Variants in LRRC7 observed in about 807,000 individuals in gnomAD.
The protein encoded by LRRC7 is leucine-rich repeat-containing protein 7.
LRRC7 carries 23 observed loss-of-function variants against 175.7 expected under a neutral mutation model. That is an observed-to-expected ratio of 0.13 (90% CI 0.09 to 0.19). LRRC7 has a LOEUF of 0.19. Among genes scored for constraint, LRRC7 ranks in the 10% least tolerant of loss-of-function variants. LRRC7 has a pLI of 1.00. For missense variants in LRRC7, 1,354 were observed against 1,904.7 expected (o/e 0.71, Z 5.38); for synonymous variants, 685 against 680.9 (o/e 1.01, Z -0.09).
intron 1 of LRRC7, among the ~76,000 whole-genome samples, chr1:69,640,237 A>C (rs1454078636): frequency 6.6e-6 from 1 of 151,800 alleles, no homozygotes; most frequent in East Asian, 1.9e-4. Context: ...TGTCTTTTCC[A>C]CAAGATGAAA....
intron 26 of LRRC7, among the ~76,000 whole-genome samples, chr1:70,119,154 A>G (rs991198162): frequency 3.3e-5 from 5 of 152,046 alleles, no homozygotes; most frequent in African/African-American, 9.7e-5. Flanking sequence ...ACAACTGTTA[A>G]CATACTGAGG....
rs1557642524 is a variant in LRRC7 at position 69,717,977 on chromosome 1, A to AAAAG, written c.100+39500_100+39501insAAGA. On this transcript the variant is annotated intron_variant, in intron 2 of 26. Coordinates refer to ENST00000651989, the MANE Select transcript of LRRC7 (RefSeq NM_001370785.2). ...GAAAGAAGAAAAAGAAAGAAAGAGA[A>AAAAG]AGAAAGAGGAGGGAGAGAAAGAAAG... Among the ~76,000 whole-genome samples the AAAAG allele has an allele frequency of 8.3e-4, 40 of 48,322 alleles. 1 individual carries two copies. Among genetic ancestry groups the AAAAG allele is most frequent in the African/African-American group, 3.0e-3 (36 of 11,822 alleles). The allele number at this position is 48,322 out of a possible 152,430, so 31.7% of individuals were successfully genotyped here. A position where few individuals can be genotyped will look rare whatever the true frequency, so the allele number is the denominator to read the frequency against.
At chr1:70,090,935 T>G (rs928805339) in intron 25 of LRRC7, among the ~76,000 whole-genome samples, 1 of 152,090 alleles carries the variant, frequency 6.6e-6, no homozygotes, top group Admixed American at 6.6e-5. Flanking sequence ...TTCCTACCCT[T>G]CTTCCTTTCC....
At chr1:69,811,218 A>C (rs1677816829) in intron 4 of LRRC7, among the ~76,000 whole-genome samples, 1 of 152,218 alleles carries the variant, frequency 6.6e-6, no homozygotes, top group African/African-American at 2.4e-5. Context: ...AACCACAGTG[A>C]GATACCATCT....
At position 70,139,335 on chromosome 1, in the gene LRRC7, G is replaced by T. The variant is rs1218603695; in HGVS notation, c.*17448G>T. ...TGAGATTGTCAAAGGCTTCAGTAATGAACTCTAACAAATAGATCCAGAAGT... is the reference window on the plus strand; with the variant it reads ...TGAGATTGTCAAAGGCTTCAGTAATTAACTCTAACAAATAGATCCAGAAGT... On this transcript the variant is annotated 3_prime_UTR_variant, in exon 27 of 27. Coordinates refer to ENST00000651989, the MANE Select transcript of LRRC7 (RefSeq NM_001370785.2). 1.3e-5 allele frequency: 2 copies of T among 152,146 alleles called. No individual in the cohort carries two copies. Among genetic ancestry groups the T allele is most frequent in the African/African-American group, 4.8e-5 (2 of 41,438 alleles). The allele number at this position is 152,146 out of a possible 1,614,324, so 9.4% of individuals were successfully genotyped here.
At chr1:69,593,177 A>G (rs1270639269) in intron 1 of LRRC7, among the ~76,000 whole-genome samples, 1 of 152,108 alleles carries the variant, frequency 6.6e-6, no homozygotes, top group African/African-American at 2.4e-5. Context: ...AGGCTGAGTA[A>G]TGAAACATAA....
chr1:70,092,843 T>C (rs1175724278), intron 25 of LRRC7, among the ~76,000 whole-genome samples: 1 of 152,118 alleles, frequency 6.6e-6, no homozygotes, highest in Non-Finnish European at 1.5e-5. Flanking sequence ...TAAGGGAATA[T>C]TTTTACCAGA....
chr1:70,013,212 A>G, intron 13 of LRRC7, 123 bp downstream of exon 13: 1 of 447,058 alleles, frequency 2.2e-6, no homozygotes, highest in Non-Finnish European at 4.1e-6. Context: ...AAATACTGAT[A>G]CTTTCCTTAA....
rs1239912511 is a variant in LRRC7 at position 69,925,032 on chromosome 1, G to A, written c.648-6475G>A. On this transcript the variant is annotated intron_variant, in intron 7 of 26. Coordinates refer to ENST00000651989, the MANE Select transcript of LRRC7 (RefSeq NM_001370785.2). ...GAAGGGTTGTTGAATTTTGTCAAAGGCCTTTTCTGCATCTGTTGAGATAAT... is the reference window on the plus strand; with the variant it reads ...GAAGGGTTGTTGAATTTTGTCAAAGACCTTTTCTGCATCTGTTGAGATAAT... Among the ~76,000 whole-genome samples the A allele has an allele frequency of 7.9e-5, 12 of 152,164 alleles. No individual in the cohort carries two copies. The South Asian group carries it at 2.5e-3, about 32-fold the overall frequency.
intron 8 of LRRC7, among the ~76,000 whole-genome samples, chr1:69,976,847 C>T (rs576946273): frequency 1.1e-3 from 166 of 152,288 alleles, no homozygotes; most frequent in African/African-American, 3.9e-3. Context: ...AGCTCATTCA[C>T]GTGAGTTTCT....
chr1:69,820,001 A>G (rs1233503701), intron 4 of LRRC7, among the ~76,000 whole-genome samples: 4 of 152,048 alleles, frequency 2.6e-5, no homozygotes, highest in African/African-American at 4.8e-5. Context: ...ATGTCTTTTC[A>G]TTAGATTATT....
intron 1 of LRRC7, among the ~76,000 whole-genome samples, chr1:69,599,847 C>G (rs1646981555): frequency 6.6e-6 from 1 of 152,164 alleles, no homozygotes; most frequent in Non-Finnish European, 1.5e-5. Flanking sequence ...ATTCCAGTCT[C>G]TTTGCCAAAG....
At chr1:70,062,615 A>C (rs1322942617) in intron 23 of LRRC7, among the ~76,000 whole-genome samples, 2 of 152,094 alleles carry the variant, frequency 1.3e-5, no homozygotes, top group South Asian at 4.1e-4. Flanking sequence ...ACCAAAGTAC[A>C]TGACCTGGAG....
intron 23 of LRRC7, among the ~76,000 whole-genome samples, chr1:70,066,636 G>A (rs748897163): frequency 1.8e-4 from 28 of 151,960 alleles, no homozygotes; most frequent in Non-Finnish European, 3.4e-4. Context: ...CCTATGGAAG[G>A]ATATCTGGGT....
intron 7 of LRRC7, among the ~76,000 whole-genome samples, chr1:69,848,939 T>A (rs925538654): frequency 1.4e-4 from 21 of 152,164 alleles, no homozygotes; most frequent in African/African-American, 4.8e-4. Context: ...TTAAAAAAAA[T>A]CATTTTCTTA....
chr1:70,073,081 T>C (rs1331590874), intron 23 of LRRC7, among the ~76,000 whole-genome samples: 1 of 152,212 alleles, frequency 6.6e-6, no homozygotes, highest in African/African-American at 2.4e-5. Flanking sequence ...CTTCCACCCT[T>C]AGTTTTGTCC....
intron 25 of LRRC7, among the ~76,000 whole-genome samples, chr1:70,098,328 G>A (rs1664562633): frequency 6.6e-6 from 1 of 151,766 alleles, no homozygotes; most frequent in Middle Eastern, 3.2e-3. Flanking sequence ...GCAGTGTGTA[G>A]AGGGAAATTT....
chr1:70,029,812 G>A (rs907815881), intron 18 of LRRC7, among the ~76,000 whole-genome samples: 2 of 152,106 alleles, frequency 1.3e-5, no homozygotes, highest in Non-Finnish European at 2.9e-5. Context: ...GTAGGGATGG[G>A]ATAGATGAGA....
intron 7 of LRRC7, among the ~76,000 whole-genome samples, chr1:69,856,560 CAGG>C (rs1232427854): frequency 6.6e-6 from 1 of 152,040 alleles, no homozygotes; most frequent in Non-Finnish European, 1.5e-5. Flanking sequence ...AAGACTAAAC[CAGG>C]AAGAAATTGA....
Sources: allele counts gnomAD v4.1 joint callset (sites outside exome capture counted in the v4.1 genomes callset), GRCh38; gene constraint gnomAD v4.1.1; transcripts MANE v1.5; gene names NCBI Gene and HGNC (gene_info 2026-07-23, HGNC 2026-07-21).